Variants in TBC1D25 observed in about 807,000 individuals in gnomAD.
The protein encoded by TBC1D25 is TBC1 domain family member 25.
TBC1D25 carries 13 observed loss-of-function variants against 38.8 expected under a neutral mutation model. The observed-to-expected ratio is 0.34, with a 90% CI of 0.22 to 0.53. The LOEUF (loss-of-function observed/expected upper bound fraction) is 0.53, where lower values mean the gene tolerates loss of function less well. Ranked by LOEUF, TBC1D25 falls within the 20% of genes least tolerant of loss-of-function variation. The probability of loss-of-function intolerance (pLI) is 0.94; values close to 1 mark genes in which losing one functional copy is unlikely to be tolerated. For missense variants in TBC1D25, 372 were observed against 600.0 expected (o/e 0.62, Z 3.97); for synonymous variants, 225 against 255.6 (o/e 0.88, Z 1.14).
chrX:48,553,407 T>A (rs2061950354), intron 3 of TBC1D25, among the ~76,000 whole-genome samples: 1 of 108,582 alleles, frequency 9.2e-6, no homozygotes, highest in Non-Finnish European at 1.9e-5. Context: ...GCCAAAAATG[T>A]TTTTATTTGG....
At chrX:48,540,079 G>T in intron 1 of TBC1D25, 159 bp downstream of exon 1, 1 of 737,437 alleles carries the variant, frequency 1.4e-6, no homozygotes, top group Admixed American at 5.9e-5. Flanking sequence ...GGGAGGGCCT[G>T]AGAGCCTGAG....
chrX:48,544,733 T>G, intron 2 of TBC1D25, 136 bp from the exon 3 acceptor site: 2 of 799,503 alleles, frequency 2.5e-6, no homozygotes, highest in Non-Finnish European at 3.5e-6. Context: ...CTGCCCATAA[T>G]CCTTGGCACA....
At chrX:48,552,225 C>T (rs916726241) in intron 3 of TBC1D25, among the ~76,000 whole-genome samples, 1 of 110,506 alleles carries the variant, frequency 9.0e-6, no homozygotes, top group Non-Finnish European at 1.9e-5. Flanking sequence ...CTCGCTCTGT[C>T]GCCCAGACTG....
At chrX:48,549,615 C>T (rs1247538549) in intron 3 of TBC1D25, among the ~76,000 whole-genome samples, 2 of 112,187 alleles carry the variant, frequency 1.8e-5, no homozygotes, top group Admixed American at 1.9e-4. Flanking sequence ...GATTCTCCTG[C>T]CTCAGCCTCC....
At chrX:48,558,192 T>A (rs1423533766) in intron 3 of TBC1D25, among the ~76,000 whole-genome samples, 1 of 111,113 alleles carries the variant, frequency 9.0e-6, no homozygotes, top group Non-Finnish European at 1.9e-5. Context: ...ATGTCTGGGC[T>A]CTGGACTAGG....
In TBC1D25 at chrX:48,560,093, G is replaced by A; in HGVS notation, c.1185G>A (p.Leu395=). The A allele has an allele frequency of 8.3e-7, 1 of 1,209,449 alleles. No homozygotes were observed. The highest frequency in any genetic ancestry group is 1.7e-5 in the African/African-American group (1 of 57,887). Residue 395 remains leucine (L), a synonymous_variant, in exon 6 of 6, where the codon CTG becomes CTA. Coordinates refer to ENST00000376771, the MANE Select transcript of TBC1D25 (RefSeq NM_002536.4). ...RHADPDFYQY[L]QEAGADDLFF... ...CTGACCCTGACTTTTATCAATACCT[G>A]CAAGAGGCAGGCGCTGATGACCTCT...
rs142923988 is a variant in TBC1D25, at chrX:48,541,325, C to T, written c.124-8C>T. The T allele has an allele frequency of 3.6e-4, 439 of 1,208,643 alleles. 2 individuals carry two copies. In the East Asian group the frequency reaches 0.012, roughly 32 times the overall value. On this transcript the variant is annotated splice_polypyrimidine_tract_variant and splice_region_variant and intron_variant, in intron 1 of 5. Transcript: ENST00000376771. ...CCTGGTGGCCTACCCCATGTCTTCT[C>T]TCCCCAGAAATGTGAGAGCTTCTTG... is the stretch of plus-strand genomic sequence containing the variant.
In TBC1D25 at chrX:48,560,611, C is replaced by T. The variant is rs1478046012; in HGVS notation, c.1703C>T (p.Thr568Ile). Residue 568 changes from threonine (T) to isoleucine (I), a missense_variant, in exon 6 of 6, where the codon ACC becomes ATC. Coordinates refer to ENST00000376771, the MANE Select transcript of TBC1D25 (RefSeq NM_002536.4). ...CCATCTTCCTCATCTCCACCATCCA[C>T]CCAGGAGGCCTCTCCCACTGGTGAT... ...DSPSSSSPPS[T>I]QEASPTGDMA... The T allele has an allele frequency of 1.7e-6, 2 of 1,208,401 alleles. No homozygotes were observed. The highest frequency in any genetic ancestry group is 3.5e-5 in the African/African-American group (2 of 57,147).
At chrX:48,541,635 C>G in intron 2 of TBC1D25, 193 bp downstream of exon 2, 1 of 469,601 alleles carries the variant, frequency 2.1e-6, no homozygotes, top group Non-Finnish European at 3.8e-6. Flanking sequence ...TTCAGTTACC[C>G]ATGGTCAACC....
intron 3 of TBC1D25, among the ~76,000 whole-genome samples, chrX:48,556,048 A>G (rs782549049): frequency 1.9e-5 from 2 of 103,823 alleles, no homozygotes; most frequent in South Asian, 4.5e-4. Flanking sequence ...TCTTATCTCA[A>G]CTGCAAAGAG....
Position 48,561,302 on chromosome X carries a change from A to G in TBC1D25, c.*327A>G. On this transcript the variant is annotated 3_prime_UTR_variant, in exon 6 of 6. Transcript: ENST00000376771. ...AGGGGCCCTTTACCTGATGGAGGGG[A>G]AATACTTCACTTGGTGGAGAGAGGC... The G allele has an allele frequency of 4.7e-6, 1 of 212,744 alleles. No individual in the cohort carries two copies. Among genetic ancestry groups the G allele is most frequent in the Non-Finnish European group, 8.5e-6 (1 of 117,775 alleles). 17.5% of individuals were successfully genotyped at this position (212,744 alleles called of 1,213,427 possible). A position where few individuals can be genotyped will look rare whatever the true frequency, so the allele number is the denominator to read the frequency against.
chrX:48,548,368 A>G (rs1446547463), intron 3 of TBC1D25, among the ~76,000 whole-genome samples: 1 of 110,451 alleles, frequency 9.1e-6, no homozygotes, highest in Non-Finnish European at 1.9e-5. Context: ...TGCCCGCCTC[A>G]GCCTCCCAAA....
intron 3 of TBC1D25, among the ~76,000 whole-genome samples, chrX:48,556,551 T>C (rs905830264): frequency 1.8e-5 from 2 of 109,310 alleles, no homozygotes; most frequent in Non-Finnish European, 3.8e-5. Flanking sequence ...AGGTCAGGAG[T>C]TGGAGACCAG....
In TBC1D25 at chrX:48,560,246, T is replaced by C. The variant is rs781840108; in HGVS notation, c.1338T>C (p.Val446=). The C allele has an allele frequency of 6.6e-6, 8 of 1,211,400 alleles. No homozygotes were observed. The Admixed American group carries it at 1.3e-4, about 20-fold the overall frequency. The change falls in exon 6 of 6, where the codon GTT becomes GTC. Residue 446 remains valine, a synonymous_variant. Transcript: ENST00000376771. The stretch of plus-strand genomic sequence containing the variant: ...CTCCTGAACATGAGGTAGAGCTGGT[T>C]GGACCCCCCAGCCAAGTGGCAGACG... The part of the protein sequence containing the change: ...PDPPEHEVEL[V]GPPSQVADAG...
intron 3 of TBC1D25, among the ~76,000 whole-genome samples, chrX:48,551,568 C>T (rs1215768054): frequency 2.7e-5 from 3 of 109,719 alleles, no homozygotes; most frequent in Admixed American, 2.0e-4. Context: ...CCTTGTGATC[C>T]GCCCGCCTTG....
chrX:48,548,120 T>G (rs1458930628), intron 3 of TBC1D25, among the ~76,000 whole-genome samples: 1 of 109,045 alleles, frequency 9.2e-6, no homozygotes, highest in Non-Finnish European at 1.9e-5. Flanking sequence ...GGGTTTTTTT[T>G]TTGTTTTTTT....
At chrX:48,545,513 CATTT>C (rs1344302100) in intron 3 of TBC1D25, among the ~76,000 whole-genome samples, 6 of 111,900 alleles carry the variant, frequency 5.4e-5, no homozygotes, top group Non-Finnish European at 1.1e-4. Context: ...CACCCATATT[CATTT>C]GTTTGTATTC....
chrX:48,555,149 C>G (rs184142563), intron 3 of TBC1D25, among the ~76,000 whole-genome samples: 5 of 111,256 alleles, frequency 4.5e-5, no homozygotes, highest in Non-Finnish European at 9.4e-5. Context: ...AAGGATGTCT[C>G]TCAGGTTTCT....
At chrX:48,544,565 C>T (rs1170717508) in intron 2 of TBC1D25, among the ~76,000 whole-genome samples, 1 of 111,168 alleles carries the variant, frequency 9.0e-6, no homozygotes, top group Non-Finnish European at 1.9e-5. Context: ...AGGTGATCCA[C>T]CCACCTCGGC....
Sources: allele counts gnomAD v4.1 joint callset (sites outside exome capture counted in the v4.1 genomes callset), GRCh38; gene constraint gnomAD v4.1.1; transcripts MANE v1.5; gene names NCBI Gene and HGNC (gene_info 2026-07-23, HGNC 2026-07-21).